MLLT3: variants seen among roughly 807,000 people sequenced by gnomAD.
MLLT3 encodes MLLT3 super elongation complex subunit.
Under a neutral mutation model 53.2 loss-of-function variants are expected in MLLT3, and 4 were observed. The observed-to-expected ratio is 0.08, with a 90% CI of 0.04 to 0.17. MLLT3 has a LOEUF of 0.17. Ranked by LOEUF, MLLT3 falls within the 10% of genes least tolerant of loss-of-function variation. MLLT3 has a pLI of 1.00. For synonymous variants in MLLT3, 283 were observed against 230.6 expected, an observed-to-expected ratio of 1.23 and a Z score of -2.06; for missense variants, 569 against 684.0, an observed-to-expected ratio of 0.83 and a Z score of 1.87.
chr9:20,561,503 G>T (rs574147528), intron 2 of MLLT3, among the ~76,000 whole-genome samples: 3 of 152,062 alleles, frequency 2.0e-5, no homozygotes, highest in Admixed American at 1.3e-4. Flanking sequence ...TTTAATCATC[G>T]TCCTTATAGC....
intron 5 of MLLT3, among the ~76,000 whole-genome samples, chr9:20,392,593 T>C (rs1337100236): frequency 6.6e-6 from 1 of 152,216 alleles, no homozygotes; most frequent in Non-Finnish European, 1.5e-5. Context: ...TTCTTGGGTT[T>C]ACCCTAGCAT....
rs1820832104 is a variant in MLLT3 at position 20,345,055 on chromosome 9, G to T, written c.*1388C>A. Reference sequence around the variant, plus strand: ...AGAAGATGGAATAATGACACCAAAAGTACTTTGGTTTTTTTCTTTTAAAAA... The same window carrying T: ...AGAAGATGGAATAATGACACCAAAATTACTTTGGTTTTTTTCTTTTAAAAA... On this transcript the variant is annotated 3_prime_UTR_variant, in exon 11 of 11. Transcript: ENST00000380338. The T allele has an allele frequency of 4.6e-6, 1 of 216,590 alleles. No individual in the cohort carries two copies. Among genetic ancestry groups the T allele is most frequent in the South Asian group, 1.9e-4 (1 of 5,382 alleles). 13.4% of individuals were successfully genotyped at this position (216,590 alleles called of 1,614,324 possible). A position where few individuals can be genotyped will look rare whatever the true frequency, so the allele number is the denominator to read the frequency against.
intron 2 of MLLT3, among the ~76,000 whole-genome samples, chr9:20,568,345 A>G (rs1819438545): frequency 6.6e-6 from 1 of 152,192 alleles, no homozygotes; most frequent in African/African-American, 2.4e-5. Flanking sequence ...AAATTTCCAT[A>G]ATACAAGGCT....
chr9:20,557,724 G>C (rs1487354800), intron 2 of MLLT3, among the ~76,000 whole-genome samples: 1 of 152,134 alleles, frequency 6.6e-6, no homozygotes, highest in Admixed American at 6.5e-5. Context: ...AAATCAACTG[G>C]GGTTAAGGAA....
rs76840071 is a variant in MLLT3, at chr9:20,368,250, T to C, written c.1126-2506A>G. Among the ~76,000 whole-genome samples the C allele has an allele frequency of 4.9e-3, 750 of 152,354 alleles. 7 individuals carry two copies. The highest frequency in any genetic ancestry group is 0.031 in the East Asian group (161 of 5,192). ...GTTACACAACTGAAAGAGCATTCAG[T>C]TGGCATTTATGTGCACTGCCCAGCT... is the stretch of plus-strand genomic sequence containing the variant. On this transcript the variant is annotated intron_variant, in intron 5 of 10. Transcript: ENST00000380338.
intron 4 of MLLT3, among the ~76,000 whole-genome samples, chr9:20,425,906 C>T (rs1332170912): frequency 1.3e-5 from 2 of 151,890 alleles, no homozygotes; most frequent in Non-Finnish European, 2.9e-5. Flanking sequence ...TCCTGAAGTA[C>T]TGTATTTGCA....
intron 3 of MLLT3, among the ~76,000 whole-genome samples, chr9:20,455,520 T>G (rs1823944823): frequency 6.6e-6 from 1 of 152,212 alleles, no homozygotes; most frequent in South Asian, 2.1e-4. Context: ...TGGGTAGAAT[T>G]TGAGAATCTC....
intron 4 of MLLT3, among the ~76,000 whole-genome samples, chr9:20,445,115 G>A (rs1049744752): frequency 5.3e-5 from 8 of 151,908 alleles, no homozygotes; most frequent in African/African-American, 9.7e-5. Flanking sequence ...AGTTCGTCGG[G>A]CTAGATCTTA....
In MLLT3 at chr9:20,621,649, C is replaced by T; in HGVS notation, c.12+596G>A. On this transcript the variant is annotated intron_variant, in intron 1 of 10. Transcript: ENST00000380338. This position sits in a 1 kb window ranked among gnomAD's most constrained non-coding sequence, Gnocchi z 7.0. Reference sequence around the variant, plus strand: ...AAATTCAGAAAGGCAGGGCGGCGGGCGGACAGCCGCCGAGCCTCGGCTCGC... The same window carrying T: ...AAATTCAGAAAGGCAGGGCGGCGGGTGGACAGCCGCCGAGCCTCGGCTCGC... The T allele has an allele frequency of 1.1e-6, 1 of 929,108 alleles. No homozygotes were observed. The highest frequency in any genetic ancestry group is 1.5e-6 in the Non-Finnish European group (1 of 656,906). 57.6% of individuals were successfully genotyped at this position (929,108 alleles called of 1,614,324 possible).
intron 2 of MLLT3, among the ~76,000 whole-genome samples, chr9:20,477,313 C>T (rs1301388247): frequency 1.3e-5 from 2 of 152,112 alleles, no homozygotes; most frequent in African/African-American, 4.8e-5. Context: ...GCAACACACT[C>T]TACAAGTTGC....
At chr9:20,520,251 T>C (rs1315043306) in intron 2 of MLLT3, among the ~76,000 whole-genome samples, 1 of 152,080 alleles carries the variant, frequency 6.6e-6, no homozygotes, top group Non-Finnish European at 1.5e-5. Flanking sequence ...TAATGGGTAC[T>C]AGGCTTATAC....
At chr9:20,375,137 T>A in intron 5 of MLLT3, among the ~76,000 whole-genome samples, 1 of 152,256 alleles carries the variant, frequency 6.6e-6, no homozygotes, top group East Asian at 1.9e-4. Context: ...ACACTCAGTC[T>A]ACTGTATTTT....
intron 2 of MLLT3, chr9:20,533,194 G>A: frequency 3.4e-6 from 1 of 293,952 alleles, no homozygotes. Flanking sequence ...AGGCAAAGGA[G>A]CTTTGACTAA....
chr9:20,343,773 T>A lies in MLLT3; in HGVS notation c.*2670A>T, dbSNP rs900077779. The A allele has an allele frequency of 2.6e-4, 55 of 214,204 alleles. 1 individual carries two copies. Among genetic ancestry groups the A allele is most frequent in the Non-Finnish European group, 6.6e-5 (7 of 106,188 alleles). The allele number at this position is 214,204 out of a possible 1,614,324, so 13.3% of individuals were successfully genotyped here. ...AAACCCTGCCATTTTCCCTTTGTGC[T>A]TAAGAAACCAGAGCCACTGTTAGGG... is the stretch of plus-strand genomic sequence containing the variant. On this transcript the variant is annotated 3_prime_UTR_variant, in exon 11 of 11. Transcript: ENST00000380338.
intron 2 of MLLT3, among the ~76,000 whole-genome samples, chr9:20,553,212 C>T (rs1286235983): frequency 6.6e-6 from 1 of 152,084 alleles, no homozygotes; most frequent in Non-Finnish European, 1.5e-5. Context: ...ACAAAAAAGC[C>T]CTCATTTCTC....
In MLLT3 at chr9:20,414,306, GCTGCTA is replaced by G. The variant is rs1179028638; in HGVS notation, c.534_539del (p.Ser189_Ser190del). On this transcript the variant is annotated inframe_deletion, in exon 5 of 11. Transcript: ENST00000380338. ...TGCTGCTGCTGCTGCTGCTACTGCTGCTGCTACTGCTGCTGCTGCTGCTGCTGCTGC... is the reference window on the plus strand; with the variant it reads ...TGCTGCTGCTGCTGCTGCTACTGCTGCTGCTGCTGCTGCTGCTGCTGCTGC... 16 of 1,610,074 alleles carry G rather than the reference GCTGCTA, an allele frequency of 9.9e-6. No homozygotes were observed. In the African/African-American group the frequency reaches 1.7e-4, roughly 18 times the overall value.
intron 2 of MLLT3, among the ~76,000 whole-genome samples, chr9:20,529,206 A>G (rs1818269509): frequency 6.6e-6 from 1 of 152,226 alleles, no homozygotes; most frequent in Admixed American, 6.5e-5. Context: ...GGTGATCCAA[A>G]TGTGCAACCA....
intron 2 of MLLT3, chr9:20,502,393 C>G (rs1038421779): frequency 5.2e-5 from 8 of 152,770 alleles, no homozygotes; most frequent in South Asian, 2.1e-4. Context: ...CTGAATTCTA[C>G]AGGTAATAGC....
chr9:20,566,010 A>C, intron 2 of MLLT3, among the ~76,000 whole-genome samples: 1 of 126,306 alleles, frequency 7.9e-6, no homozygotes, highest in Middle Eastern at 3.5e-3. Flanking sequence ...TTATATATAT[A>C]TTTTTATATA....
Sources: gnomAD v4.1 joint callset for allele counts (sites outside exome capture counted in the v4.1 genomes callset) on GRCh38, gnomAD v4.1.1 for gene constraint, Gnocchi (gnomAD v3.1) non-coding constraint, MANE v1.5 for transcripts, NCBI Gene and HGNC (gene_info 2026-07-23, HGNC 2026-07-21) for gene names.